P2RX2: variants seen among roughly 807,000 people sequenced by gnomAD.
P2RX2 encodes P2X purinoceptor 2.
Under a neutral mutation model 54.8 loss-of-function variants are expected in P2RX2, and 50 were observed. That is an observed-to-expected ratio of 0.91 (90% CI 0.73 to 1.15). P2RX2 has a LOEUF of 1.15. Among genes scored for constraint, P2RX2 ranks in the 50% most tolerant of loss-of-function variants. P2RX2 has a pLI of 0.00. For synonymous variants in P2RX2, 289 were observed against 259.4 expected (o/e 1.11, Z -1.09); for missense variants, 658 against 633.2 (o/e 1.04, Z -0.42).
At position 132,619,488 on chromosome 12, in the gene P2RX2, G is replaced by A. The variant is rs752100041; in HGVS notation, c.223G>A (p.Glu75Lys). 3.7e-6 allele frequency: 6 copies of A among 1,612,596 alleles called. No homozygotes were observed. In the African/African-American group the frequency reaches 5.3e-5, roughly 14 times the overall value. The change falls in exon 2 of 11, where the codon GAG becomes AAG. Residue 75 changes from glutamate (E) to lysine (K), a missense_variant. Physicochemically the swap from Glu to Lys is moderately conservative, Grantham distance 56. Transcript: ENST00000643471. The stretch of plus-strand genomic sequence containing the variant: ...CTACCAGGAGAGCGAGACGGGCCCC[G>A]AGAGCTCCATCATCACCAAGGTCAA... ...KSYQESETGP[E>K]SSIITKVKGI...
chr12:132,619,654 G>A (rs1479667167), intron 2 of P2RX2, 25 bp from the exon 3 acceptor site: 14 of 1,581,606 alleles, frequency 8.9e-6, no homozygotes, highest in Non-Finnish European at 1.2e-5. Context: ...CCGCCTGGCC[G>A]ACCGCCCCCT....
chr12:132,622,277 G>A lies in P2RX2; in HGVS notation c.*305G>A. 1 of 1,295,858 alleles carries A rather than the reference G, an allele frequency of 7.7e-7. No homozygotes were observed. Among genetic ancestry groups the A allele is most frequent in the Non-Finnish European group, 9.8e-7 (1 of 1,018,376 alleles). The allele number at this position is 1,295,858 out of a possible 1,614,324, so 80.3% of individuals were successfully genotyped here. ...CTGAGGGGCTCTGCTCCCGGTCTTGGGCCCTGGGAACCCCACCCCACCCCA... is the reference window on the plus strand; with the variant it reads ...CTGAGGGGCTCTGCTCCCGGTCTTGAGCCCTGGGAACCCCACCCCACCCCA... On this transcript the variant is annotated 3_prime_UTR_variant, in exon 11 of 11. Coordinates refer to ENST00000643471, the MANE Select transcript of P2RX2 (RefSeq NM_170682.4).
At position 132,620,529 on chromosome 12, in the gene P2RX2, G is replaced by A. The variant is rs769122558; in HGVS notation, c.720G>A (p.Lys240=). The A allele has an allele frequency of 1.2e-6, 2 of 1,613,880 alleles. No homozygotes were observed. The highest frequency in any genetic ancestry group is 3.3e-5 in the Admixed American group (2 of 60,014). ...EASDLYCPIF[K]LGFIVEKAGE... ...CCGACCTCTACTGCCCCATCTTCAAGCTGGGCTTTATCGTGGAGAAGGCTG... is the reference window on the plus strand; with the variant it reads ...CCGACCTCTACTGCCCCATCTTCAAACTGGGCTTTATCGTGGAGAAGGCTG... The change falls in exon 7 of 11, where the codon AAG becomes AAA. Residue 240 remains lysine (K), a synonymous_variant. Transcript: ENST00000643471.
rs746712149 is a variant in P2RX2, at chr12:132,621,429, ATCAGACGCCG to A, written c.997-39_997-30del. Reference sequence around the variant, plus strand: ...ACGCCCCACCCCTCCCTTAAGCCCCATCAGACGCCGTCAGACATTCTGACCACGACCCCCA... The same window carrying A: ...ACGCCCCACCCCTCCCTTAAGCCCCATCAGACATTCTGACCACGACCCCCA... On this transcript the variant is annotated intron_variant, in intron 9 of 10. Transcript: ENST00000643471. The A allele has an allele frequency of 3.1e-6, 5 of 1,588,502 alleles. No individual in the cohort carries two copies. In the African/African-American group the frequency reaches 5.4e-5, roughly 17 times the overall value.
At position 132,622,202 on chromosome 12, in the gene P2RX2, T is replaced by C; in HGVS notation, c.*230T>C. ...CCCCAGCTGGTCCCTACAGGGCTGCTCACTTCCCATCACCTCTCACAGCCA... is the reference window on the plus strand; with the variant it reads ...CCCCAGCTGGTCCCTACAGGGCTGCCCACTTCCCATCACCTCTCACAGCCA... On this transcript the variant is annotated 3_prime_UTR_variant, in exon 11 of 11. Transcript: ENST00000643471. The C allele has an allele frequency of 7.1e-7, 1 of 1,402,520 alleles. No individual in the cohort carries two copies. Among genetic ancestry groups the C allele is most frequent in the Non-Finnish European group, 9.2e-7 (1 of 1,082,992 alleles). The allele number at this position is 1,402,520 out of a possible 1,614,324, so 86.9% of individuals were successfully genotyped here. A position where few individuals can be genotyped will look rare whatever the true frequency, so the allele number is the denominator to read the frequency against.
chr12:132,620,619 G>A, intron 7 of P2RX2, 36 bp downstream of exon 7: 1 of 1,600,136 alleles, frequency 6.2e-7, no homozygotes, highest in South Asian at 1.1e-5. Flanking sequence ...GCCAGGGTGG[G>A]CTCCCACCTG....
rs369349430 is a variant in P2RX2, at chr12:132,620,144, T to C, written c.554+48T>C. 3.4e-3 allele frequency: 5,101 copies of C among 1,519,946 alleles called. 18 individuals carry two copies. Among genetic ancestry groups the C allele is most frequent in the Non-Finnish European group, 3.4e-3 (3,795 of 1,115,756 alleles). The allele number at this position is 1,519,946 out of a possible 1,614,324, so 94.2% of individuals were successfully genotyped here. On this transcript the variant is annotated intron_variant, in intron 5 of 10. Transcript: ENST00000643471. ...GGCCCAGCCTCCCCTCTGATCCTTTTCCCCTGACCAGAGGCCAAACGGGCG... is the reference window on the plus strand; with the variant it reads ...GGCCCAGCCTCCCCTCTGATCCTTTCCCCCTGACCAGAGGCCAAACGGGCG...
At chr12:132,619,975 T>C (rs986254085) in intron 4 of P2RX2, 25 bp from the exon 5 acceptor site, 1 of 1,577,610 alleles carries the variant, frequency 6.3e-7, no homozygotes, top group Non-Finnish European at 8.6e-7. Flanking sequence ...TCCCCGCTAA[T>C]GCCTCAGTGA....
At position 132,621,902 on chromosome 12, in the gene P2RX2, T is replaced by TGGACA. The variant is rs2041712307; in HGVS notation, c.1347_1351dup (p.Thr451ArgfsTer55). 1 of 1,613,538 alleles carries TGGACA rather than the reference T, an allele frequency of 6.2e-7. No homozygotes were observed. The highest frequency in any genetic ancestry group is 1.7e-5 in the Admixed American group (1 of 60,008). ...ATCTCTGCCCCTTCTGAGCAGATGG[T>TGGACA]GGACACTCCTGCCTCCGAGCCTGCC... is the stretch of plus-strand genomic sequence containing the variant. On this transcript the variant is annotated frameshift_variant, in exon 11 of 11. Transcript: ENST00000643471. LOFTEE classifies it high-confidence loss of function.
chr12:132,619,434 C>G lies in P2RX2; in HGVS notation c.174-5C>G, dbSNP rs773340921. 8 of 1,611,704 alleles carry G rather than the reference C, an allele frequency of 5.0e-6. No individual in the cohort carries two copies. Among genetic ancestry groups the G allele is most frequent in the Middle Eastern group, 1.7e-4 (1 of 6,048 alleles). Reference sequence around the variant, plus strand: ...CTCCGGAGCCGGCGCCGCCCCTGCCCGCAGGTACGTATTCATCGTGCAGAA... The same window carrying G: ...CTCCGGAGCCGGCGCCGCCCCTGCCGGCAGGTACGTATTCATCGTGCAGAA... On this transcript the variant is annotated splice_polypyrimidine_tract_variant and splice_region_variant and intron_variant, in intron 1 of 10. Transcript: ENST00000643471.
chr12:132,618,974 T>C lies in P2RX2; in HGVS notation c.158T>C (p.Leu53Pro). The change falls in exon 1 of 11, where the codon CTG becomes CCG. Residue 53 changes from leucine (L) to proline (P), a missense_variant. Coordinates refer to ENST00000643471, the MANE Select transcript of P2RX2 (RefSeq NM_170682.4). ...VLYRAVQLLI[L>P]LYFVWYVFIV... ...TACCGCGCCGTGCAGCTGCTCATCC[T>C]GCTCTACTTCGTGTGGTGCGCGGGG... 1 of 1,224,246 alleles carries C rather than the reference T, an allele frequency of 8.2e-7. No individual in the cohort carries two copies. The highest frequency in any genetic ancestry group is 3.4e-5 in the East Asian group (1 of 29,302). 75.8% of individuals were successfully genotyped at this position (1,224,246 alleles called of 1,614,324 possible).
Position 132,621,815 on chromosome 12 carries a change from GCC to G in P2RX2, c.1260_1261del (p.Gln421GlyfsTer25). 1.2e-6 allele frequency: 2 copies of G among 1,609,446 alleles called. No homozygotes were observed. The highest frequency in any genetic ancestry group is 1.7e-6 in the Non-Finnish European group (2 of 1,177,660). ...GACCAGCACCCCAGCCCTCCATCAG[GCC>G]AGGAGGGCCAACAAGGGGCAGAGTG... On this transcript the variant is annotated frameshift_variant, in exon 11 of 11. Coordinates refer to ENST00000643471, the MANE Select transcript of P2RX2 (RefSeq NM_170682.4). LOFTEE classifies it high-confidence loss of function.
rs2041628592 is a variant in P2RX2, at chr12:132,620,712, G to T, written c.774+129G>T. The T allele has an allele frequency of 6.2e-6, 7 of 1,122,204 alleles. No homozygotes were observed. The Admixed American group carries it at 1.6e-4, about 26-fold the overall frequency. The allele number at this position is 1,122,204 out of a possible 1,614,324, so 69.5% of individuals were successfully genotyped here. On this transcript the variant is annotated intron_variant, in intron 7 of 10. Coordinates refer to ENST00000643471, the MANE Select transcript of P2RX2 (RefSeq NM_170682.4). ...CCCGCTCAGGCAGAGGAAAAGAAAT[G>T]CGATCAGCGCAACCCATCCGGTGTG... is the stretch of plus-strand genomic sequence containing the variant.
rs777248624 is a variant in P2RX2, at chr12:132,621,576, G to A, written c.1062+36G>A. 3 of 1,602,440 alleles carry A rather than the reference G, an allele frequency of 1.9e-6. No individual in the cohort carries two copies. The Admixed American group carries it at 5.1e-5, about 27-fold the overall frequency. On this transcript the variant is annotated intron_variant, in intron 10 of 10. Coordinates refer to ENST00000643471, the MANE Select transcript of P2RX2 (RefSeq NM_170682.4). Reference sequence around the variant, plus strand: ...CTCTCTGGGGTCCCAGCGGGTGCGGGGGGTCCACCAGGCCCTTACACACCG... The same window carrying A: ...CTCTCTGGGGTCCCAGCGGGTGCGGAGGGTCCACCAGGCCCTTACACACCG...
Position 132,620,989 on chromosome 12 carries a change from CCTT to C in P2RX2, c.775-8_775-6del, listed in dbSNP as rs876657424. The C allele has an allele frequency of 3.3e-3, 5,392 of 1,613,276 alleles. 183 individuals carry two copies. The African/African-American group carries it at 0.063, about 19-fold the overall frequency. On this transcript the variant is annotated splice_polypyrimidine_tract_variant and intron_variant, in intron 7 of 10. Coordinates refer to ENST00000643471, the MANE Select transcript of P2RX2 (RefSeq NM_170682.4). ...GCCCTCCTGACCCCCTTCTCTGGCT[CCTT>C]CTTGGCAGGGTGGTGTCATCGGGGT... is the stretch of plus-strand genomic sequence containing the variant.
chr12:132,620,723 A>C, intron 7 of P2RX2, 140 bp downstream of exon 7: 1 of 1,092,902 alleles, frequency 9.1e-7, no homozygotes, highest in Non-Finnish European at 1.3e-6. Context: ...CGATCAGCGC[A>C]ACCCATCCGG....
At position 132,619,751 on chromosome 12, in the gene P2RX2, G is replaced by A. The variant is rs2041562520; in HGVS notation, c.381+1G>A. On this transcript the variant is annotated splice_donor_variant, in intron 3 of 10. Coordinates refer to ENST00000643471, the MANE Select transcript of P2RX2 (RefSeq NM_170682.4). LOFTEE classifies it high-confidence loss of function. ...CCAGACCCAGGGAACCTGCCCCGAG[G>A]TGAGGGGATCCCGCGGCGCTGGGGG... The A allele has an allele frequency of 6.2e-7, 1 of 1,610,246 alleles. No homozygotes were observed. Among genetic ancestry groups the A allele is most frequent in the South Asian group, 1.1e-5 (1 of 90,892 alleles).
At chr12:132,620,193 G>A in intron 5 of P2RX2, 74 bp from the exon 6 acceptor site, 2 of 1,502,904 alleles carry the variant, frequency 1.3e-6, no homozygotes, top group South Asian at 1.2e-5. Flanking sequence ...AAGATCTGGG[G>A]AGGGGTGGGG....
chr12:132,619,209 G>A (rs2041523120), intron 1 of P2RX2, among the ~76,000 whole-genome samples: 1 of 124,944 alleles, frequency 8.0e-6, no homozygotes, highest in African/African-American at 3.0e-5. Flanking sequence ...GGGACTCGGG[G>A]TGCTGGGCTG....
Sources: gnomAD v4.1 joint callset for allele counts (sites outside exome capture counted in the v4.1 genomes callset) on GRCh38, gnomAD v4.1.1 for gene constraint, MANE v1.5 for transcripts, NCBI Gene and HGNC (gene_info 2026-07-23, HGNC 2026-07-21) for gene names.